Variants in C5orf63 observed in about 807,000 individuals in gnomAD.
C5orf63 encodes chromosome 5 open reading frame 63.
Under a neutral mutation model 13.3 loss-of-function variants are expected in C5orf63, and 18 were observed. The ratio of observed to expected loss-of-function variants is 1.36; its 90% CI spans 0.94 to 2.01. C5orf63 has a LOEUF of 2.01. Ranked by LOEUF, C5orf63 falls within the 30% of genes most tolerant of loss-of-function variation. The pLI is 0.00. For missense variants in C5orf63, 118 were observed against 127.7 expected, an observed-to-expected ratio of 0.92 and a Z score of 0.36; for synonymous variants, 38 against 44.7, an observed-to-expected ratio of 0.85 and a Z score of 0.60.
intron 3 of C5orf63, among the ~76,000 whole-genome samples, chr5:127,053,729 C>T (rs897771316): frequency 6.6e-6 from 1 of 152,170 alleles, no homozygotes; most frequent in African/African-American, 2.4e-5. Flanking sequence ...TGATGGTTTC[C>T]AGCTTCATCC....
chr5:127,062,433 T>C (rs1327601411), intron 2 of C5orf63, among the ~76,000 whole-genome samples: 4 of 152,244 alleles, frequency 2.6e-5, no homozygotes, highest in Non-Finnish European at 5.9e-5. Flanking sequence ...ATGCATTTTG[T>C]TAAATTAACT....
In C5orf63 at chr5:127,062,530, T is replaced by C. The variant is rs17165241; in HGVS notation, c.-7-3528A>G. ...TACCTCTTCTAGGCAGATAGTATGC[T>C]AAAATTCCTTAATTTCTAACATTTA... On this transcript the variant is annotated intron_variant, in intron 2 of 4. Coordinates refer to ENST00000296662, the MANE Select transcript of C5orf63 (RefSeq NM_001164478.2). 0.011 allele frequency among the ~76,000 whole-genome samples: 1,707 copies of C among 152,324 alleles called. 92 individuals carry two copies. The East Asian group carries it at 0.11, about 10-fold the overall frequency.
chr5:127,054,395 C>G (rs1053874018), intron 3 of C5orf63, among the ~76,000 whole-genome samples: 1 of 152,160 alleles, frequency 6.6e-6, no homozygotes, highest in African/African-American at 2.4e-5. Context: ...TCTCCAGCAC[C>G]TGTTGTTTCC....
At chr5:127,053,045 G>T (rs186043459) in intron 3 of C5orf63, among the ~76,000 whole-genome samples, 1 of 152,184 alleles carries the variant, frequency 6.6e-6, no homozygotes, top group Admixed American at 6.5e-5. Context: ...CTGACACCAC[G>T]AGGATGGCTT....
rs1753677160 is a variant in C5orf63, at chr5:127,051,582, A to G, written c.*189T>C. 8.0e-7 allele frequency: 1 copy of G among 1,249,486 alleles called. No homozygotes were observed. The highest frequency in any genetic ancestry group is 1.0e-6 in the Non-Finnish European group (1 of 997,768). The allele number at this position is 1,249,486 out of a possible 1,614,324, so 77.4% of individuals were successfully genotyped here. On this transcript the variant is annotated 3_prime_UTR_variant, in exon 5 of 5. Coordinates refer to ENST00000296662, the MANE Select transcript of C5orf63 (RefSeq NM_001164478.2). Reference sequence around the variant, plus strand: ...TGCTCTTCTTATTTTATAAAATGCCATTAAGCAAACAGTTCCCACACTGAT... The same window carrying G: ...TGCTCTTCTTATTTTATAAAATGCCGTTAAGCAAACAGTTCCCACACTGAT...
downstream of C5orf63, chr5:127,047,766 A>G: frequency 1.4e-6 from 1 of 703,992 alleles, no homozygotes; most frequent in South Asian, 1.5e-5. Context: ...TTTTTGGTGC[A>G]TCTAATCCCA....
intron 2 of C5orf63, among the ~76,000 whole-genome samples, chr5:127,059,791 C>T (rs1363230629): frequency 6.6e-6 from 1 of 151,828 alleles, no homozygotes; most frequent in African/African-American, 2.4e-5. Context: ...GCATAAGTCC[C>T]CAGGTAAAGG....
intron 3 of C5orf63, among the ~76,000 whole-genome samples, chr5:127,058,099 A>G (rs775805970): frequency 6.6e-6 from 1 of 152,120 alleles, no homozygotes; most frequent in Non-Finnish European, 1.5e-5. Flanking sequence ...GCTTTGTCAC[A>G]TGGGTAAATT....
chr5:127,052,671 T>C lies in C5orf63; in HGVS notation c.115-2A>G, dbSNP rs144574032. On this transcript the variant is annotated splice_acceptor_variant, in intron 3 of 4. Transcript: ENST00000296662. LOFTEE classifies it high-confidence loss of function. ...TTCATCACAAAGGGGGCATGGGTCCTACAGGAAGAAAAAAAACCCAAGCGA... is the reference window on the plus strand; with the variant it reads ...TTCATCACAAAGGGGGCATGGGTCCCACAGGAAGAAAAAAAACCCAAGCGA... 7.2e-4 allele frequency: 1,074 copies of C among 1,489,310 alleles called. 8 individuals carry two copies. In the African/African-American group the frequency reaches 0.014, roughly 19 times the overall value. The allele number at this position is 1,489,310 out of a possible 1,614,324, so 92.3% of individuals were successfully genotyped here.
In C5orf63 at chr5:127,059,413, C is replaced by T. The variant is rs6874679; in HGVS notation, c.-7-411G>A. On this transcript the variant is annotated intron_variant, in intron 2 of 4. Coordinates refer to ENST00000296662, the MANE Select transcript of C5orf63 (RefSeq NM_001164478.2). ...TTATACTGGCAAGCATTCAACAATA[C>T]CTAGCCACTGCCATGGTAAAGAAAA... Among the ~76,000 whole-genome samples, 129 of 152,192 alleles carry T rather than the reference C, an allele frequency of 8.5e-4. 1 individual carries two copies. Among genetic ancestry groups the T allele is most frequent in the Non-Finnish European group, 1.4e-3 (92 of 68,006 alleles).
intron 4 of C5orf63, 107 bp downstream of exon 4, chr5:127,052,506 A>G: frequency 1.2e-6 from 1 of 828,722 alleles, no homozygotes; most frequent in Non-Finnish European, 1.7e-6. Context: ...AAAATTTAAA[A>G]GAAAAATCAT....
At chr5:127,063,492 C>A (rs1242146389) in intron 2 of C5orf63, among the ~76,000 whole-genome samples, 21 of 152,176 alleles carry the variant, frequency 1.4e-4, no homozygotes, top group Admixed American at 1.2e-3. Flanking sequence ...ATTATTCTCA[C>A]TTGAGTAGAG....
chr5:127,055,523 C>T (rs1753849040), intron 3 of C5orf63, among the ~76,000 whole-genome samples: 1 of 152,146 alleles, frequency 6.6e-6, no homozygotes, highest in Non-Finnish European at 1.5e-5. Flanking sequence ...AGAGGGCTTT[C>T]CTCCAGCTTA....
intron 2 of C5orf63, among the ~76,000 whole-genome samples, chr5:127,064,291 G>C (rs577225974): frequency 3.3e-5 from 5 of 152,302 alleles, no homozygotes; most frequent in Admixed American, 3.3e-4. Context: ...AACAGGGAGT[G>C]AGGAGTAGAA....
At chr5:127,064,293 G>A (rs905605643) in intron 2 of C5orf63, among the ~76,000 whole-genome samples, 1 of 152,172 alleles carries the variant, frequency 6.6e-6, no homozygotes, top group Non-Finnish European at 1.5e-5. Context: ...CAGGGAGTGA[G>A]GAGTAGAAGG....
chr5:127,049,029 C>T (rs1279403260), downstream of C5orf63, among the ~76,000 whole-genome samples: 1 of 152,172 alleles, frequency 6.6e-6, no homozygotes, highest in African/African-American at 2.4e-5. Flanking sequence ...TTGTCTGTGG[C>T]ATCCCTGGTT....
intron 3 of C5orf63, 31 bp from the exon 4 acceptor site, chr5:127,052,700 A>C: frequency 6.8e-7 from 1 of 1,459,870 alleles, no homozygotes; most frequent in Non-Finnish European, 9.0e-7. Flanking sequence ...CAAGCGATTA[A>C]ACCCAAAGAA....
intron 3 of C5orf63, among the ~76,000 whole-genome samples, chr5:127,054,394 C>G (rs1177650054): frequency 1.3e-5 from 2 of 152,138 alleles, no homozygotes; most frequent in Non-Finnish European, 2.9e-5. Context: ...CTCTCCAGCA[C>G]CTGTTGTTTC....
At chr5:127,049,414 T>TC (rs914524939), downstream of C5orf63, among the ~76,000 whole-genome samples, 6 of 152,086 alleles carry the variant, frequency 3.9e-5, no homozygotes, top group African/African-American at 1.4e-4. Context: ...TTACTCCCAA[T>TC]CCCCATCCAT....
Sources: gnomAD v4.1 joint callset for allele counts (sites outside exome capture counted in the v4.1 genomes callset) on GRCh38, gnomAD v4.1.1 for gene constraint, MANE v1.5 for transcripts, NCBI Gene and HGNC (gene_info 2026-07-23, HGNC 2026-07-21) for gene names.